Variants in HEATR3 observed in about 807,000 individuals in gnomAD.
The protein encoded by HEATR3 is HEAT repeat containing 3, also known as HEAT repeat-containing protein 3.
A neutral mutation model predicts 72.8 loss-of-function variants in HEATR3; 56 were observed. The observed-to-expected ratio is 0.77, with a 90% CI of 0.62 to 0.96. The LOEUF (loss-of-function observed/expected upper bound fraction) is 0.96, where lower values mean the gene tolerates loss of function less well. Ranked by LOEUF, HEATR3 falls within the 40% of genes least tolerant of loss-of-function variation. HEATR3 has a pLI of 0.00. For missense variants in HEATR3, 747 were observed against 831.4 expected (o/e 0.90, Z 1.25); for synonymous variants, 331 against 318.1 (o/e 1.04, Z -0.43).
At chr16:50,100,152 C>G (rs2037334430) in intron 12 of HEATR3, 78 bp from the exon 13 acceptor site, 6 of 1,417,890 alleles carry the variant, frequency 4.2e-6, no homozygotes, top group Non-Finnish European at 4.8e-6. Context: ...GAGGAGATTC[C>G]TGTCAGTCCG....
intron 13 of HEATR3, chr16:50,100,781 C>G (rs2037348267): frequency 4.4e-6 from 1 of 225,198 alleles, no homozygotes; most frequent in Non-Finnish European, 8.7e-6. Flanking sequence ...CTGAAAAATA[C>G]AACACAGTTA....
intron 1 of HEATR3, 38 bp downstream of exon 1, chr16:50,066,307 A>C: frequency 6.4e-7 from 1 of 1,571,112 alleles, no homozygotes; most frequent in African/African-American, 1.4e-5. Context: ...AGGCGAGACG[A>C]GGTTGCCCCG....
chr16:50,084,101 A>C, intron 8 of HEATR3, 33 bp from the exon 9 acceptor site: 4 of 1,614,076 alleles, frequency 2.5e-6, no homozygotes, highest in Non-Finnish European at 3.4e-6. Context: ...TTTCTTAACT[A>C]TTCCAGTTCT....
Position 50,102,396 on chromosome 16 carries a change from A to C in HEATR3, c.1881A>C (p.Leu627Phe), listed in dbSNP as rs1482812492. 6.2e-7 allele frequency: 1 copy of C among 1,613,966 alleles called. No individual in the cohort carries two copies. Among genetic ancestry groups the C allele is most frequent in the Non-Finnish European group, 8.5e-7 (1 of 1,180,018 alleles). Residue 627 changes from leucine to phenylalanine, a missense_variant, in exon 14 of 15, where the codon TTA (leucine) becomes TTC (phenylalanine). By Grantham distance (22) the Leu-to-Phe change is conservative (BLOSUM62 0). Coordinates refer to ENST00000299192, the MANE Select transcript of HEATR3 (RefSeq NM_182922.4). ...AERASIQIKLLSALKEFQPVF... is the reference protein window; with the variant it reads ...AERASIQIKLFSALKEFQPVF... ...GAGCCTCGATTCAAATTAAATTATT[A>C]TCTGCTCTGAAAGAATTCCAGCCGG...
chr16:50,084,283 C>T lies in HEATR3; in HGVS notation c.1282C>T (p.Pro428Ser). The T allele has an allele frequency of 6.2e-7, 1 of 1,613,482 alleles. No individual in the cohort carries two copies. Among genetic ancestry groups the T allele is most frequent in the Middle Eastern group, 1.7e-4 (1 of 6,058 alleles). The change falls in exon 9 of 15, where the codon CCA becomes TCA. Residue 428 changes from proline (P) to serine (S), a missense_variant. Transcript: ENST00000299192. The stretch of plus-strand genomic sequence containing the variant: ...CACGGCTCTCACCAACTACCTCATC[C>T]CAAAGAAGGTAATCCATTTTCATTC... The part of the protein sequence containing the change: ...VHTALTNYLI[P>S]KKIFEKTAFP...
At chr16:50,066,689 G>C in intron 2 of HEATR3, 150 bp downstream of exon 2, 1 of 715,618 alleles carries the variant, frequency 1.4e-6, no homozygotes, top group Non-Finnish European at 1.9e-6. Flanking sequence ...CAGTCTCCAG[G>C]CTCCGGAGAA....
intron 12 of HEATR3, among the ~76,000 whole-genome samples, chr16:50,096,939 A>G (rs2037252525): frequency 6.6e-6 from 1 of 152,208 alleles, no homozygotes; most frequent in South Asian, 2.1e-4. Context: ...TTTGTTCCGT[A>G]GCATTTTCTG....
chr16:50,094,532 A>AG (rs1245475177), intron 11 of HEATR3, among the ~76,000 whole-genome samples, 173 bp from the exon 12 acceptor site: 2 of 152,110 alleles, frequency 1.3e-5, no homozygotes, highest in Non-Finnish European at 2.9e-5. Flanking sequence ...TAGAGTGTAC[A>AG]GGGGGCTGTT....
In HEATR3 at chr16:50,093,114, T is replaced by A. The variant is rs551241199; in HGVS notation, c.1511-1591T>A. Among the ~76,000 whole-genome samples the A allele has an allele frequency of 5.9e-5, 9 of 152,254 alleles. No homozygotes were observed. In the South Asian group the frequency reaches 1.9e-3, roughly 32 times the overall value. On this transcript the variant is annotated intron_variant, in intron 11 of 14. Transcript: ENST00000299192. The stretch of plus-strand genomic sequence containing the variant: ...GGAAATCCCCTATTTTGGTACATAA[T>A]ACATATCTGAAAATGAAAGAGCCAA...
chr16:50,082,831 C>T (rs1481301639), intron 7 of HEATR3, among the ~76,000 whole-genome samples: 1 of 149,720 alleles, frequency 6.7e-6, no homozygotes, highest in Non-Finnish European at 1.5e-5. Flanking sequence ...GAGATGGAGT[C>T]TCACTCTGTT....
At chr16:50,072,779 C>A in intron 5 of HEATR3, 65 bp downstream of exon 5, 1 of 969,874 alleles carries the variant, frequency 1.0e-6, no homozygotes, top group Non-Finnish European at 1.7e-6. Context: ...TTTTATGCAG[C>A]TTTGGCGTGT....
chr16:50,095,926 A>G (rs2150623113), intron 12 of HEATR3, among the ~76,000 whole-genome samples: 1 of 152,276 alleles, frequency 6.6e-6, no homozygotes, highest in East Asian at 1.9e-4. Flanking sequence ...CATTACCCCA[A>G]GGCTCCAAAT....
At position 50,105,877 on chromosome 16, in the gene HEATR3, T is replaced by G. The variant is rs2037477478; in HGVS notation, c.*816T>G. 2 of 152,246 alleles carry G rather than the reference T, an allele frequency of 1.3e-5. No individual in the cohort carries two copies. The highest frequency in any genetic ancestry group is 2.4e-5 in the African/African-American group (1 of 41,524). 9.4% of individuals were successfully genotyped at this position (152,246 alleles called of 1,614,324 possible). On this transcript the variant is annotated 3_prime_UTR_variant, in exon 15 of 15. Transcript: ENST00000299192. ...TGAGCCACCGTGCCTGGCCAGAAAC[T>G]CTTTTTTAAGTGATGAGATCTGTGT...
In HEATR3 at chr16:50,100,285, A is replaced by G; in HGVS notation, c.1655A>G (p.Asn552Ser). The change falls in exon 13 of 15, where the codon AAT becomes AGT. Residue 552 changes from asparagine (N) to serine (S), a missense_variant. By Grantham distance (46) the Asn-to-Ser change is conservative (BLOSUM62 1). This residue lies in a region of HEATR3 where 586 missense variants were observed against 708.8 expected (regional missense o/e 0.83). Coordinates refer to ENST00000299192, the MANE Select transcript of HEATR3 (RefSeq NM_182922.4). ...TLCKAGIHSSNVGVRVNVVSI... is the reference protein window; with the variant it reads ...TLCKAGIHSSSVGVRVNVVSI... ...TGCAAAGCAGGCATTCATAGTAGTA[A>G]TGTCGGGGTTAGAGTGAATGTCGTT... The G allele has an allele frequency of 6.2e-7, 1 of 1,614,052 alleles. No individual in the cohort carries two copies. The highest frequency in any genetic ancestry group is 8.5e-7 in the Non-Finnish European group (1 of 1,179,932).
At chr16:50,067,545 G>C (rs944781516) in intron 2 of HEATR3, among the ~76,000 whole-genome samples, 14 of 152,202 alleles carry the variant, frequency 9.2e-5, no homozygotes, top group Admixed American at 7.8e-4. Context: ...GAGAAGAGCA[G>C]GGGTGGGTAA....
At chr16:50,071,746 T>G (rs1347572723) in intron 4 of HEATR3, among the ~76,000 whole-genome samples, 1 of 152,230 alleles carries the variant, frequency 6.6e-6, no homozygotes, top group African/African-American at 2.4e-5. Context: ...ATAACAGATT[T>G]AGTTTAATAA....
At chr16:50,092,436 C>CTTTTTTTTTTTTTTTTTTTTTTTTT (rs375532097) in intron 11 of HEATR3, among the ~76,000 whole-genome samples, 11 of 106,026 alleles carry the variant, frequency 1.0e-4, no homozygotes, top group South Asian at 3.4e-4. Flanking sequence ...TTTCTTTTTT[C>CTTTTTTTTTTTTTTTTTTTTTTTTT]TTTTTTTTTT....
intron 5 of HEATR3, chr16:50,074,216 G>A (rs1305389116): frequency 6.6e-6 from 1 of 152,070 alleles, no homozygotes; most frequent in Admixed American, 6.6e-5. Flanking sequence ...TTCTTAAAGA[G>A]CTATTGCTCT....
At position 50,102,463 on chromosome 16, in the gene HEATR3, A is replaced by G. The variant is rs181273403; in HGVS notation, c.1920+28A>G. On this transcript the variant is annotated intron_variant, in intron 14 of 14. Coordinates refer to ENST00000299192, the MANE Select transcript of HEATR3 (RefSeq NM_182922.4). Reference sequence around the variant, plus strand: ...TTGTAGCCATTTAACTTATAAATACATAAGTCTGAACATTCTGTGGGGACA... The same window carrying G: ...TTGTAGCCATTTAACTTATAAATACGTAAGTCTGAACATTCTGTGGGGACA... 1.3e-5 allele frequency: 21 copies of G among 1,603,296 alleles called. No individual in the cohort carries two copies. The East Asian group carries it at 2.7e-4, about 20-fold the overall frequency.
Sources: gnomAD v4.1 joint callset for allele counts (sites outside exome capture counted in the v4.1 genomes callset) on GRCh38, gnomAD v4.1.1 for gene constraint, gnomAD v4.1.1 regional missense constraint, MANE v1.5 for transcripts, NCBI Gene and HGNC (gene_info 2026-07-23, HGNC 2026-07-21) for gene names.